The following FAM193A variants were observed in gnomAD, a reference collection of about 807,000 sequenced individuals.
FAM193A encodes the protein family with sequence similarity 193 member A.
Under a neutral mutation model 126.5 loss-of-function variants are expected in FAM193A, and 22 were observed. The observed-to-expected ratio is 0.17, with a 90% confidence interval of 0.12 to 0.25. The LOEUF is 0.25. Ranked by LOEUF, FAM193A falls within the 10% of genes least tolerant of loss-of-function variation. FAM193A has a pLI of 1.00. For missense variants in FAM193A, 1,675 were observed against 1,672.8 expected, an observed-to-expected ratio of 1.00 and a Z score of -0.02; for synonymous variants, 761 against 646.8, an observed-to-expected ratio of 1.18 and a Z score of -2.68.
At position 2,685,127 on chromosome 4, in the gene FAM193A, C is replaced by G. The variant is rs893340810; in HGVS notation, c.2332-4379C>G. On this transcript the variant is annotated intron_variant, in intron 13 of 20. Coordinates refer to ENST00000637812, the MANE Select transcript of FAM193A (RefSeq NM_001366318.2). Reference sequence around the variant, plus strand: ...TGAAGACAGGGATGTCTCTAAGTCTCCACTGAGAACTTTGCAGTGGAGCAT... The same window carrying G: ...TGAAGACAGGGATGTCTCTAAGTCTGCACTGAGAACTTTGCAGTGGAGCAT... 2.0e-5 allele frequency among the ~76,000 whole-genome samples: 3 copies of G among 152,148 alleles called. No homozygotes were observed. The South Asian group carries it at 6.2e-4, about 32-fold the overall frequency.
At chr4:2,560,428 C>T (rs1738540467) in intron 1 of FAM193A, among the ~76,000 whole-genome samples, 2 of 152,174 alleles carry the variant, frequency 1.3e-5, no homozygotes, top group Non-Finnish European at 2.9e-5. Context: ...TGGATTGGAA[C>T]ATCTAAACTG....
intron 1 of FAM193A, among the ~76,000 whole-genome samples, chr4:2,546,003 C>T (rs1006010901): frequency 2.6e-5 from 4 of 151,946 alleles, no homozygotes; most frequent in Non-Finnish European, 4.4e-5. Flanking sequence ...CAAAAATTAG[C>T]GGGGTGTGGT....
chr4:2,721,111 A>C (rs981796766), intron 20 of FAM193A, among the ~76,000 whole-genome samples: 38 of 152,188 alleles, frequency 2.5e-4, no homozygotes, highest in African/African-American at 9.1e-4. Context: ...CAGGAGCTCG[A>C]AACCATCCTG....
At chr4:2,591,899 G>C (rs1487413738) in intron 1 of FAM193A, among the ~76,000 whole-genome samples, 1 of 152,168 alleles carries the variant, frequency 6.6e-6, no homozygotes, top group Non-Finnish European at 1.5e-5. Flanking sequence ...TCAGCTGTTA[G>C]TAGTGTTCCC....
chr4:2,652,005 T>C (rs150112176), intron 7 of FAM193A, among the ~76,000 whole-genome samples: 83 of 152,192 alleles, frequency 5.5e-4, no homozygotes, highest in Admixed American at 1.7e-3. Flanking sequence ...ATGTGGAGAA[T>C]AGTTGGAGAG....
intron 4 of FAM193A, among the ~76,000 whole-genome samples, chr4:2,629,296 T>G (rs2108992299): frequency 6.6e-6 from 1 of 152,132 alleles, no homozygotes; most frequent in East Asian, 1.9e-4. Flanking sequence ...CTAAGTTTGG[T>G]TGTCTCTGTC....
chr4:2,686,545 C>T (rs1230947058), intron 13 of FAM193A, among the ~76,000 whole-genome samples: 1 of 151,158 alleles, frequency 6.6e-6, no homozygotes, highest in African/African-American at 2.5e-5. Flanking sequence ...AATGAGCCCA[C>T]GGGTGGTTTT....
chr4:2,666,884 G>A (rs1228863588), intron 12 of FAM193A, among the ~76,000 whole-genome samples: 5 of 152,094 alleles, frequency 3.3e-5, no homozygotes, highest in East Asian at 1.9e-4. Flanking sequence ...TCCTTTTAAC[G>A]GCTTCAGTCA....
rs568545253 is a variant in FAM193A, at chr4:2,573,504, C to G, written c.256-22580C>G. On this transcript the variant is annotated intron_variant, in intron 1 of 20. Coordinates refer to ENST00000637812, the MANE Select transcript of FAM193A (RefSeq NM_001366318.2). ...TTCCAGCCTCAGCGACAGAGTGAAA[C>G]TCTGTCTTCAAAAAAAAAAAAAAAA... Among the ~76,000 whole-genome samples the G allele has an allele frequency of 4.3e-4, 64 of 148,340 alleles. 2 individuals carry two copies. Among genetic ancestry groups the G allele is most frequent in the Middle Eastern group, 3.4e-3 (1 of 292 alleles).
intron 5 of FAM193A, among the ~76,000 whole-genome samples, chr4:2,632,091 T>C (rs978169237): frequency 6.6e-6 from 1 of 152,120 alleles, no homozygotes; most frequent in Non-Finnish European, 1.5e-5. Context: ...GAGAGCTTTC[T>C]TGCAGGTGGG....
In FAM193A at chr4:2,704,455, C is replaced by T. The variant is rs1243628079; in HGVS notation, c.4372+3911C>T. Among the ~76,000 whole-genome samples, 4 of 152,070 alleles carry T rather than the reference C, an allele frequency of 2.6e-5. No individual in the cohort carries two copies. In the South Asian group the frequency reaches 6.2e-4, roughly 24 times the overall value. On this transcript the variant is annotated intron_variant, in intron 19 of 20. Coordinates refer to ENST00000637812, the MANE Select transcript of FAM193A (RefSeq NM_001366318.2). ...TGGCACTCACCTATAGTCTCAGCTA[C>T]TGGAGACACCGATGCAGGAGGATCA...
chr4:2,608,035 C>T (rs559696400), intron 2 of FAM193A: 4 of 1,607,044 alleles, frequency 2.5e-6, no homozygotes, highest in East Asian at 2.2e-5. Context: ...CACTTCACGT[C>T]CGGGTGTGCA....
At chr4:2,642,490 G>T in intron 6 of FAM193A, among the ~76,000 whole-genome samples, 1 of 152,138 alleles carries the variant, frequency 6.6e-6, no homozygotes, top group East Asian at 1.9e-4. Flanking sequence ...AAAGGCATCG[G>T]AAGAGAATTC....
chr4:2,543,999 G>T (rs949834270), intron 1 of FAM193A, among the ~76,000 whole-genome samples: 1 of 151,828 alleles, frequency 6.6e-6, no homozygotes, highest in African/African-American at 2.4e-5. Flanking sequence ...ACATGAGGGT[G>T]CACTTAGAAG....
At chr4:2,643,482 A>G (rs544764770) in intron 6 of FAM193A, among the ~76,000 whole-genome samples, 14 of 152,290 alleles carry the variant, frequency 9.2e-5, no homozygotes, top group South Asian at 8.3e-4. Context: ...AATTATATTC[A>G]TAGTGTTTAT....
Position 2,537,136 on chromosome 4 carries a change from G to C in FAM193A, c.221G>C (p.Ser74Thr), listed in dbSNP as rs943861870. The part of the protein sequence containing the change: ...AANGPLGAGA[S>T]AGGAAPGGYF... ...AACGGGCCTCTCGGCGCGGGCGCGA[G>C]CGCGGGCGGCGCCGCCCCCGGAGGC... Residue 74 changes from serine to threonine, a missense_variant, in exon 1 of 21, where the codon AGC (serine) becomes ACC (threonine). Physicochemically the swap from Ser to Thr is moderately conservative, Grantham distance 58. Around this residue, in one of 4 missense-constraint regions of FAM193A, gnomAD observed 1,186 missense variants for 1,109.2 expected, o/e 1.07. Coordinates refer to ENST00000637812, the MANE Select transcript of FAM193A (RefSeq NM_001366318.2). 9.6e-5 allele frequency: 18 copies of C among 187,498 alleles called. No homozygotes were observed. Among genetic ancestry groups the C allele is most frequent in the Non-Finnish European group, 1.4e-4 (13 of 91,538 alleles). The allele number at this position is 187,498 out of a possible 1,614,324, so 11.6% of individuals were successfully genotyped here.
At chr4:2,578,762 ATAAAG>A (rs1361781241) in intron 1 of FAM193A, among the ~76,000 whole-genome samples, 1 of 152,216 alleles carries the variant, frequency 6.6e-6, no homozygotes, top group Non-Finnish European at 1.5e-5. Context: ...TATTCCTACA[ATAAAG>A]TAAGCTAGAG....
chr4:2,597,541 C>T (rs376077364), intron 2 of FAM193A, among the ~76,000 whole-genome samples: 1 of 152,116 alleles, frequency 6.6e-6, no homozygotes, highest in African/African-American at 2.4e-5. Flanking sequence ...CCCTGCAGTG[C>T]GTCTTGCCTG....
rs182071212 is a variant in FAM193A at position 2,611,810 on chromosome 4, G to A, written c.502-13452G>A. ...ATTATACAGCACTGTCCTCTGAAGA[G>A]CAAAAGATTTATATTTTGATCAAAT... On this transcript the variant is annotated intron_variant, in intron 2 of 20. Transcript: ENST00000637812. Among the ~76,000 whole-genome samples, 28 of 151,594 alleles carry A rather than the reference G, an allele frequency of 1.8e-4. No homozygotes were observed. In the Middle Eastern group the frequency reaches 0.01, roughly 56 times the overall value.
Sources: allele counts gnomAD v4.1 joint callset (sites outside exome capture counted in the v4.1 genomes callset), GRCh38; gene constraint gnomAD v4.1.1; regional missense constraint gnomAD v4.1.1; transcripts MANE v1.5; gene names NCBI Gene and HGNC (gene_info 2026-07-23, HGNC 2026-07-21).